Variants in MEP1A observed in about 807,000 individuals in gnomAD.
MEP1A encodes the protein N-benzoyl-L-tyrosyl-P-amino-benzoic acid hydrolase subunit alpha.
MEP1A carries 68 observed loss-of-function variants against 84.5 expected under a neutral mutation model. The observed-to-expected ratio is 0.80, with a 90% CI of 0.66 to 0.98. The LOEUF is 0.98. MEP1A is among the 50% of genes least tolerant of loss of function. The probability of loss-of-function intolerance (pLI) is 0.00; values close to 1 mark genes in which losing one functional copy is unlikely to be tolerated. For synonymous variants in MEP1A, 337 were observed against 336.8 expected, an observed-to-expected ratio of 1.00 and a Z score of -0.01; for missense variants, 887 against 919.9, an observed-to-expected ratio of 0.96 and a Z score of 0.46.
intron 9 of MEP1A, among the ~76,000 whole-genome samples, 196 bp downstream of exon 9, chr6:46,826,699 T>C (rs1267423954): frequency 1.3e-5 from 2 of 152,220 alleles, no homozygotes; most frequent in East Asian, 3.8e-4. Flanking sequence ...AAAAGAAAGA[T>C]GCATTTAAGC....
At position 46,833,114 on chromosome 6, in the gene MEP1A, C is replaced by A; in HGVS notation, c.1185C>A (p.Leu395=). Residue 395 remains leucine (L), a synonymous_variant, in exon 11 of 14, where the codon CTC becomes CTA. Transcript: ENST00000230588. ...ATTGGAAAATTGCCCATGTGGTGCT[C>A]AAAGAGGAACAGAAGTTTCGCTACC... The part of the protein sequence containing the change: ...DHNWKIAHVV[L]KEEQKFRYLF... 1 of 1,539,798 alleles carries A rather than the reference C, an allele frequency of 6.5e-7. No homozygotes were observed.
At position 46,826,933 on chromosome 6, in the gene MEP1A, AT is replaced by A. The variant is rs571965549; in HGVS notation, c.928+436del. ...ACCGTGAAATTAATTGTAATAATGT[AT>A]TTTTTAACTCAATATATCCAAATAG... On this transcript the variant is annotated intron_variant, in intron 9 of 13. Transcript: ENST00000230588. Among the ~76,000 whole-genome samples the A allele has an allele frequency of 1.2e-4, 18 of 152,320 alleles. No individual in the cohort carries two copies. The South Asian group carries it at 3.7e-3, about 32-fold the overall frequency.
At chr6:46,838,110 C>A (rs1768257994) in intron 13 of MEP1A, among the ~76,000 whole-genome samples, 1 of 150,798 alleles carries the variant, frequency 6.6e-6, no homozygotes, top group African/African-American at 2.4e-5. Context: ...CTTGGCCAGG[C>A]TGATCTCAAA....
In MEP1A at chr6:46,829,412, C is replaced by CT; in HGVS notation, c.986dup (p.Leu330ThrfsTer20). 6.2e-7 allele frequency: 1 copy of CT among 1,614,112 alleles called. No individual in the cohort carries two copies. Among genetic ancestry groups the CT allele is most frequent in the South Asian group, 1.1e-5 (1 of 91,074 alleles). On this transcript the variant is annotated frameshift_variant, in exon 10 of 14. Transcript: ENST00000230588. LOFTEE classifies it high-confidence loss of function. Reference sequence around the variant, plus strand: ...CTCGGGGTCCGCGGAAGAGGCAGCCCTACTGGAGTCTCGGATTCTTTACCC... The same window carrying CT: ...CTCGGGGTCCGCGGAAGAGGCAGCCCTTACTGGAGTCTCGGATTCTTTACCC...
rs138574862 is a variant in MEP1A, at chr6:46,800,584, G to A, written c.262+1403G>A. On this transcript the variant is annotated intron_variant, in intron 5 of 13. Coordinates refer to ENST00000230588, the MANE Select transcript of MEP1A (RefSeq NM_005588.3). ...AGCAGTATTTCTCAAGCAATACCAC[G>A]TGAAGGTCACCTTTAGTGTTAAAGT... 9.8e-5 allele frequency among the ~76,000 whole-genome samples: 15 copies of A among 152,328 alleles called. No homozygotes were observed. In the South Asian group the frequency reaches 2.5e-3, roughly 25 times the overall value.
chr6:46,827,049 C>T (rs1431384877), intron 9 of MEP1A, among the ~76,000 whole-genome samples: 1 of 152,212 alleles, frequency 6.6e-6, no homozygotes, highest in Non-Finnish European at 1.5e-5. Flanking sequence ...ACATATTTTA[C>T]TCCTACAGTA....
Position 46,835,450 on chromosome 6 carries a change from A to T in MEP1A, c.1985A>T (p.Glu662Val), listed in dbSNP as rs1768197084. The part of the protein sequence containing the change: ...KRSVENTGPL[E>V]DHNWPQYFRD... ...TCGGTGGAGAACACAGGCCCCCTGG[A>T]GGACCATAACTGGCCACAGTACTTC... The change falls in exon 13 of 14, where the codon GAG becomes GTG. Residue 662 changes from glutamate (E) to valine (V), a missense_variant. Glu to Val is a moderately radical substitution (Grantham distance 121). Transcript: ENST00000230588. The T allele has an allele frequency of 2.5e-6, 4 of 1,612,532 alleles. No homozygotes were observed. The East Asian group carries it at 8.9e-5, about 36-fold the overall frequency.
intron 5 of MEP1A, among the ~76,000 whole-genome samples, chr6:46,808,977 G>A (rs1055497035): frequency 1.3e-5 from 2 of 151,960 alleles, no homozygotes; most frequent in Non-Finnish European, 2.9e-5. Flanking sequence ...TATTCTCACT[G>A]CCTCACTCTA....
Position 46,825,402 on chromosome 6 carries a change from A to T in MEP1A, c.687A>T (p.Thr229=), listed in dbSNP as rs752411870. ...AGAATGCAAGTGTTCCCACCATCAC[A>T]GCCAAGATCCCTGAGTTTAACTCCA... ...FNKNASVPTI[T]AKIPEFNSII... Residue 229 remains threonine (T), a synonymous_variant, in exon 8 of 14, where the codon ACA becomes ACT. Transcript: ENST00000230588. 1 of 1,613,854 alleles carries T rather than the reference A, an allele frequency of 6.2e-7. No homozygotes were observed. The highest frequency in any genetic ancestry group is 8.5e-7 in the Non-Finnish European group (1 of 1,179,842).
intron 5 of MEP1A, among the ~76,000 whole-genome samples, chr6:46,808,449 A>G (rs1397403502): frequency 6.6e-6 from 1 of 152,024 alleles, no homozygotes; most frequent in East Asian, 1.9e-4. Flanking sequence ...ATAGATATAA[A>G]CTCTTTGAGA....
In MEP1A at chr6:46,835,240, T is replaced by A; in HGVS notation, c.1784-9T>A. Reference sequence around the variant, plus strand: ...CTGGATCTTCCTCATGACTCTCTATTTCCTGAAGATATCACCCACCTCAGC... The same window carrying A: ...CTGGATCTTCCTCATGACTCTCTATATCCTGAAGATATCACCCACCTCAGC... On this transcript the variant is annotated splice_polypyrimidine_tract_variant and intron_variant, in intron 12 of 13. Transcript: ENST00000230588. 6.3e-7 allele frequency: 1 copy of A among 1,578,482 alleles called. No individual in the cohort carries two copies. Among genetic ancestry groups the A allele is most frequent in the Non-Finnish European group, 8.6e-7 (1 of 1,164,920 alleles).
intron 5 of MEP1A, among the ~76,000 whole-genome samples, chr6:46,807,381 C>T (rs1288740463): frequency 6.6e-6 from 1 of 151,254 alleles, no homozygotes. Flanking sequence ...TGTAGCAAAC[C>T]ACCTACATAA....
chr6:46,829,536 A>G lies in MEP1A; in HGVS notation c.1109A>G (p.Asn370Ser), dbSNP rs548690852. 9.9e-6 allele frequency: 16 copies of G among 1,614,156 alleles called. No individual in the cohort carries two copies. Among genetic ancestry groups the G allele is most frequent in the Non-Finnish European group, 1.4e-5 (16 of 1,180,014 alleles). ...VWVRRDDSTG[N>S]VRKLVKVQTF... ...GTCAGGAGGGATGACAGCACAGGCA[A>G]TGTTCGCAAGTTGGTGAAGGTGCAG... Residue 370 changes from asparagine to serine, a missense_variant, in exon 10 of 14, where the codon AAT becomes AGT. By Grantham distance (46) the Asn-to-Ser change is conservative (BLOSUM62 1). Coordinates refer to ENST00000230588, the MANE Select transcript of MEP1A (RefSeq NM_005588.3).
downstream of MEP1A, among the ~76,000 whole-genome samples, chr6:46,840,937 G>A (rs192663420): frequency 1.5e-3 from 223 of 152,268 alleles, no homozygotes; most frequent in African/African-American, 4.8e-3. Flanking sequence ...CCTAAAGAAA[G>A]CCATGCCCTT....
chr6:46,834,803 CT>C, intron 12 of MEP1A, 52 bp downstream of exon 12: 2 of 1,403,250 alleles, frequency 1.4e-6, no homozygotes, highest in Non-Finnish European at 2.0e-6. Context: ...TGGCACTCTA[CT>C]GATTTTATCC....
At chr6:46,824,412 A>G (rs1464340651) in intron 7 of MEP1A, among the ~76,000 whole-genome samples, 1 of 146,934 alleles carries the variant, frequency 6.8e-6, no homozygotes, top group African/African-American at 2.5e-5. Flanking sequence ...GTTATTGTAT[A>G]TTAATATATT....
At chr6:46,809,117 A>G (rs1278568407) in intron 5 of MEP1A, among the ~76,000 whole-genome samples, 1 of 151,534 alleles carries the variant, frequency 6.6e-6, no homozygotes, top group Non-Finnish European at 1.5e-5. Context: ...GCAAAGGGAG[A>G]AAGTGTGGAA....
intron 6 of MEP1A, among the ~76,000 whole-genome samples, chr6:46,817,348 A>T (rs1056880924): frequency 6.6e-6 from 1 of 152,156 alleles, no homozygotes. Flanking sequence ...CATGTGTTTT[A>T]TTGCTTGAGG....
intron 6 of MEP1A, among the ~76,000 whole-genome samples, chr6:46,817,696 T>C (rs1767673451): frequency 6.6e-6 from 1 of 152,216 alleles, no homozygotes; most frequent in Admixed American, 6.5e-5. Flanking sequence ...AAATTCTCAC[T>C]TTCACAGTGA....
Sources: allele counts gnomAD v4.1 joint callset (sites outside exome capture counted in the v4.1 genomes callset), GRCh38; gene constraint gnomAD v4.1.1; transcripts MANE v1.5; gene names NCBI Gene and HGNC (gene_info 2026-07-23, HGNC 2026-07-21).